The following PPP2R2B variants were observed in gnomAD, a reference collection of about 807,000 sequenced individuals.
The protein encoded by PPP2R2B is protein phosphatase 2 regulatory subunit Bbeta, also known as serine/threonine-protein phosphatase 2A 55 kDa regulatory subunit B beta isoform.
A neutral mutation model predicts 46.0 loss-of-function variants in PPP2R2B; 5 were observed. The ratio of observed to expected loss-of-function variants is 0.11; its 90% CI spans 0.06 to 0.23. PPP2R2B has a LOEUF of 0.23. PPP2R2B is among the 10% of genes least tolerant of loss of function. PPP2R2B has a pLI of 1.00. For missense variants in PPP2R2B, 367 were observed against 575.0 expected (o/e 0.64, Z 3.70); for synonymous variants, 215 against 206.7 (o/e 1.04, Z -0.34).
chr5:146,687,376 C>G (rs932181443), intron 5 of PPP2R2B, among the ~76,000 whole-genome samples: 2 of 152,030 alleles, frequency 1.3e-5, no homozygotes, highest in African/African-American at 4.8e-5. Flanking sequence ...CTTGGGTATT[C>G]TACTTAACTG....
At chr5:146,955,146 A>G (rs1751828963) in intron 1 of PPP2R2B, among the ~76,000 whole-genome samples, 1 of 152,148 alleles carries the variant, frequency 6.6e-6, no homozygotes, top group African/African-American at 2.4e-5. Flanking sequence ...AAGAGCTCAT[A>G]CTCTACCAAT....
At chr5:146,705,719 G>A (rs1040705437) in intron 2 of PPP2R2B, among the ~76,000 whole-genome samples, 7 of 152,092 alleles carry the variant, frequency 4.6e-5, no homozygotes, top group African/African-American at 1.7e-4. Flanking sequence ...GTGCATTTGA[G>A]CATATTTTCC....
chr5:147,055,920 C>T, exon 1 of PPP2R2B: 3 of 1,429,324 alleles, frequency 2.1e-6, no homozygotes, highest in South Asian at 3.1e-5. Context: ...GCCATCAGCG[C>T]CAGGAAGCAC....
intron 1 of PPP2R2B, among the ~76,000 whole-genome samples, chr5:146,970,249 C>G (rs1179866211): frequency 6.6e-6 from 1 of 152,140 alleles, no homozygotes; most frequent in African/African-American, 2.4e-5. Context: ...AGTCTGGCAC[C>G]AGAACCTACA....
chr5:146,641,243 C>T (rs961717329), intron 6 of PPP2R2B, among the ~76,000 whole-genome samples: 1 of 152,130 alleles, frequency 6.6e-6, no homozygotes, highest in Non-Finnish European at 1.5e-5. Context: ...TTATGTGACA[C>T]AGTGGGCAGA....
chr5:146,991,646 T>C (rs986130898), intron 1 of PPP2R2B, among the ~76,000 whole-genome samples: 5 of 152,136 alleles, frequency 3.3e-5, no homozygotes, highest in African/African-American at 1.2e-4. Context: ...ACCAACTCAA[T>C]TATTATACCA....
At chr5:146,912,552 C>A (rs190604092) in intron 1 of PPP2R2B, among the ~76,000 whole-genome samples, 2 of 150,334 alleles carry the variant, frequency 1.3e-5, no homozygotes, top group South Asian at 4.2e-4. Flanking sequence ...CTCCCTCTGT[C>A]GCCCAGGCTG....
rs568130128 is a variant in PPP2R2B at position 146,591,617 on chromosome 5, C to G, written c.1052+1354G>C. On this transcript the variant is annotated intron_variant, in intron 9 of 9. Transcript: ENST00000394411. ...GGCCTCACTGCTTCCCATACTTTGACGTTTGCTTGCCCACCATGACCCGAC... is the reference window on the plus strand; with the variant it reads ...GGCCTCACTGCTTCCCATACTTTGAGGTTTGCTTGCCCACCATGACCCGAC... 2.0e-5 allele frequency among the ~76,000 whole-genome samples: 3 copies of G among 148,544 alleles called. No homozygotes were observed. In the South Asian group the frequency reaches 6.4e-4, roughly 32 times the overall value.
At chr5:146,620,634 C>CCAGTGGGCTCCGGGAACCCAATGG (rs1349320286) in intron 7 of PPP2R2B, among the ~76,000 whole-genome samples, 1 of 152,162 alleles carries the variant, frequency 6.6e-6, no homozygotes, top group Admixed American at 6.5e-5. Context: ...ATTCCTACAG[C>CCAGTGGGCTCCGGGAACCCAATGG]CAGTGGGCTC....
chr5:146,848,022 T>G (rs1760110442), intron 2 of PPP2R2B, among the ~76,000 whole-genome samples: 1 of 152,196 alleles, frequency 6.6e-6, no homozygotes, highest in Non-Finnish European at 1.5e-5. Flanking sequence ...AAAGACAAGT[T>G]AGATGCCACA....
At chr5:146,897,076 G>A (rs983886282) in intron 1 of PPP2R2B, among the ~76,000 whole-genome samples, 2 of 152,128 alleles carry the variant, frequency 1.3e-5, no homozygotes, top group African/African-American at 4.8e-5. Flanking sequence ...AGCAGATACA[G>A]CCCCAGAACA....
intron 2 of PPP2R2B, among the ~76,000 whole-genome samples, chr5:147,066,322 C>T (rs563715598): frequency 6.6e-6 from 1 of 152,248 alleles, no homozygotes; most frequent in African/African-American, 2.4e-5. Context: ...GACTGTATTC[C>T]ATGCTGCATT....
intron 5 of PPP2R2B, among the ~76,000 whole-genome samples, chr5:146,680,498 G>A (rs1047049800): frequency 3.3e-5 from 5 of 151,330 alleles, no homozygotes; most frequent in African/African-American, 7.3e-5. Flanking sequence ...ATACATATGT[G>A]ACTAACCTGC....
chr5:146,844,329 T>C (rs1259757414), intron 2 of PPP2R2B, among the ~76,000 whole-genome samples: 1 of 148,540 alleles, frequency 6.7e-6, no homozygotes, highest in Admixed American at 6.7e-5. Context: ...AATGTGCACA[T>C]GTACCCTAAA....
intron 1 of PPP2R2B, among the ~76,000 whole-genome samples, chr5:146,892,832 A>T (rs1032264632): frequency 6.6e-5 from 10 of 152,230 alleles, no homozygotes; most frequent in Non-Finnish European, 1.5e-4. Flanking sequence ...TGTTCAAATC[A>T]GAATTTTTCA....
intron 1 of PPP2R2B, among the ~76,000 whole-genome samples, chr5:147,022,964 A>G (rs1046231952): frequency 6.6e-6 from 1 of 152,328 alleles, no homozygotes; most frequent in South Asian, 2.1e-4. Flanking sequence ...ATGTGAATTC[A>G]TATCTAAAGA....
chr5:147,062,098 A>G (rs1002424194), intron 2 of PPP2R2B, among the ~76,000 whole-genome samples: 1 of 152,144 alleles, frequency 6.6e-6, no homozygotes, highest in Non-Finnish European at 1.5e-5. Context: ...TAAGATTATA[A>G]TACCGTATTT....
chr5:147,081,184 T>G (rs1045133615), intron 1 of PPP2R2B: 5 of 1,534,956 alleles, frequency 3.3e-6, no homozygotes, highest in African/African-American at 2.7e-5. Context: ...GAGCTCCCAG[T>G]TGTTCTTAAG....
intron 1 of PPP2R2B, among the ~76,000 whole-genome samples, chr5:146,961,996 CA>C (rs1752191992): frequency 2.0e-5 from 3 of 151,050 alleles, no homozygotes; most frequent in African/African-American, 7.3e-5. Context: ...AACACTTTGG[CA>C]AAAGCTTATT....
Sources: gnomAD v4.1 joint callset for allele counts (sites outside exome capture counted in the v4.1 genomes callset) on GRCh38, gnomAD v4.1.1 for gene constraint, MANE v1.5 for transcripts, NCBI Gene and HGNC (gene_info 2026-07-23, HGNC 2026-07-21) for gene names.